Variants in TTC21B observed in about 807,000 individuals in gnomAD.
The protein encoded by TTC21B is tetratricopeptide repeat protein 21B.
TTC21B carries 127 observed loss-of-function variants against 175.1 expected under a neutral mutation model. That is an observed-to-expected ratio of 0.73 (90% CI 0.63 to 0.84). The LOEUF (loss-of-function observed/expected upper bound fraction) is 0.84. Among genes scored for constraint, TTC21B ranks in the 40% least tolerant of loss-of-function variants. The pLI is 0.00. For synonymous variants in TTC21B, 524 were observed against 524.5 expected, an observed-to-expected ratio of 1.00 and a Z score of 0.01; for missense variants, 1,561 against 1,558.3, an observed-to-expected ratio of 1.00 and a Z score of -0.03.
intron 3 of TTC21B, among the ~76,000 whole-genome samples, 195 bp from the exon 4 acceptor site, chr2:165,945,885 T>C (rs763248309): frequency 2.0e-5 from 3 of 152,188 alleles, no homozygotes; most frequent in Non-Finnish European, 4.4e-5. Flanking sequence ...ACAATTAAAA[T>C]TAATCTTAAT....
Position 165,912,601 on chromosome 2 carries a change from A to T in TTC21B, c.2235T>A (p.Tyr745Ter). The T allele has an allele frequency of 6.2e-7, 1 of 1,614,096 alleles. No individual in the cohort carries two copies. Reference sequence around the variant, plus strand: ...TCGGGTTCTGATTTAATGCTTGCTCATATGCTACTATGGCTTCTTCAGGCT... The same window carrying T: ...TCGGGTTCTGATTTAATGCTTGCTCTTATGCTACTATGGCTTCTTCAGGCT... ...ILEPEEAIVA[Y>*]EQALNQNPKD... Residue 745 changes from tyrosine to a stop codon, truncating the protein, a stop_gained, in exon 17 of 29, where the codon TAT (tyrosine) becomes TAA (stop). Coordinates refer to ENST00000243344, the MANE Select transcript of TTC21B (RefSeq NM_024753.5). LOFTEE classifies it high-confidence loss of function.
At chr2:165,889,016 TCAC>T (rs145846719) in intron 24 of TTC21B, among the ~76,000 whole-genome samples, 2,827 of 152,294 alleles carry the variant, frequency 0.019, 101 homozygotes, top group African/African-American at 0.065. Flanking sequence ...TCTGTTCTCT[TCAC>T]CACATTGCCT....
chr2:165,886,258 C>T (rs1226140582), intron 25 of TTC21B, among the ~76,000 whole-genome samples: 1 of 152,100 alleles, frequency 6.6e-6, no homozygotes, highest in Non-Finnish European at 1.5e-5. Flanking sequence ...AAAGGGTCTC[C>T]CAACTCTCCT....
chr2:165,888,117 C>G (rs1042899743), intron 25 of TTC21B, among the ~76,000 whole-genome samples, 162 bp downstream of exon 25: 2 of 152,124 alleles, frequency 1.3e-5, no homozygotes, highest in African/African-American at 2.4e-5. Context: ...TCGTCTCTTC[C>G]GCCAAGAAGG....
intron 24 of TTC21B, among the ~76,000 whole-genome samples, chr2:165,889,608 A>T (rs1056219180): frequency 3.9e-5 from 6 of 151,918 alleles, no homozygotes; most frequent in Non-Finnish European, 7.4e-5. Context: ...ACAACCATAA[A>T]CATGCCACTT....
intron 16 of TTC21B, 92 bp from the exon 17 acceptor site, chr2:165,912,716 T>C (rs899424544): frequency 1.1e-6 from 1 of 932,656 alleles, no homozygotes; most frequent in Non-Finnish European, 1.8e-6. Flanking sequence ...TCTCTACATT[T>C]GTAATATTAC....
intron 24 of TTC21B, among the ~76,000 whole-genome samples, chr2:165,889,216 AG>A (rs1270959811): frequency 6.6e-6 from 1 of 152,216 alleles, no homozygotes; most frequent in Non-Finnish European, 1.5e-5. Context: ...CTCAGGCCTT[AG>A]GCTTATCTTG....
chr2:165,896,883 TTTTG>T (rs530664099), intron 22 of TTC21B, among the ~76,000 whole-genome samples: 34 of 152,254 alleles, frequency 2.2e-4, no homozygotes, highest in Admixed American at 5.2e-4. Flanking sequence ...CTAAGGGTTT[TTTTG>T]TTTGTTTGTT....
chr2:165,913,582 T>G lies in TTC21B; in HGVS notation c.2203A>C (p.Ile735Leu). 6.2e-7 allele frequency: 1 copy of G among 1,611,266 alleles called. No homozygotes were observed. Among genetic ancestry groups the G allele is most frequent in the Non-Finnish European group, 8.5e-7 (1 of 1,177,788 alleles). The change falls in exon 16 of 29, where the codon ATT becomes CTT. Residue 735 changes from isoleucine to leucine, a missense_variant. Coordinates refer to ENST00000243344, the MANE Select transcript of TTC21B (RefSeq NM_024753.5). The part of the protein sequence containing the change: ...FLLLGDAYMN[I>L]LEPEEAIVAY... ...AACATCAGAAATTTTACCTCTAGAA[T>G]ATTCATGTATGCATCACCAAGGAGA... is the stretch of plus-strand genomic sequence containing the variant.
intron 11 of TTC21B, among the ~76,000 whole-genome samples, chr2:165,926,889 TC>T: frequency 1.3e-5 from 2 of 150,378 alleles, no homozygotes; most frequent in East Asian, 3.9e-4. Flanking sequence ...GCTTCTTTGC[TC>T]CTCGGCTTAC....
intron 22 of TTC21B, among the ~76,000 whole-genome samples, chr2:165,891,456 T>C (rs748454690): frequency 5.3e-5 from 8 of 152,272 alleles, no homozygotes; most frequent in Non-Finnish European, 1.0e-4. Flanking sequence ...AAGAAATTTT[T>C]CTCCAGTCTC....
chr2:165,875,605 G>C (rs1559033485), intron 28 of TTC21B, among the ~76,000 whole-genome samples: 1 of 151,706 alleles, frequency 6.6e-6, no homozygotes, highest in Non-Finnish European at 1.5e-5. Flanking sequence ...ATTTACTAGG[G>C]GATGAATTAC....
At position 165,878,056 on chromosome 2, in the gene TTC21B, G is replaced by A. The variant is rs77089347; in HGVS notation, c.3806-1824C>T. Among the ~76,000 whole-genome samples the A allele has an allele frequency of 9.1e-3, 1,388 of 152,130 alleles. 29 individuals carry two copies. Among genetic ancestry groups the A allele is most frequent in the African/African-American group, 0.032 (1,307 of 41,482 alleles). Reference sequence around the variant, plus strand: ...GCTGTCATTTTCAGGTTTCCTCATCGCTAAAACAGGAATAACAACTCCTCC... The same window carrying A: ...GCTGTCATTTTCAGGTTTCCTCATCACTAAAACAGGAATAACAACTCCTCC... On this transcript the variant is annotated intron_variant, in intron 27 of 28. Coordinates refer to ENST00000243344, the MANE Select transcript of TTC21B (RefSeq NM_024753.5).
intron 19 of TTC21B, among the ~76,000 whole-genome samples, chr2:165,906,018 G>C (rs1685717221): frequency 6.6e-6 from 1 of 152,008 alleles, no homozygotes; most frequent in African/African-American, 2.4e-5. Context: ...CTAGAAGTCA[G>C]TATCAAAAAG....
Position 165,914,657 on chromosome 2 carries a change from CTGTGTGTG to C in TTC21B, c.2138+536_2138+543del, listed in dbSNP as rs551411661. On this transcript the variant is annotated intron_variant, in intron 15 of 28. Coordinates refer to ENST00000243344, the MANE Select transcript of TTC21B (RefSeq NM_024753.5). ...GTTTGGGGAGAAGAGGAAGAGCAATCTGTGTGTGTGTGTGTGTGTGTGTGTGTGTGTGT... is the reference window on the plus strand; with the variant it reads ...GTTTGGGGAGAAGAGGAAGAGCAATCTGTGTGTGTGTGTGTGTGTGTGTGT... 3.7e-4 allele frequency among the ~76,000 whole-genome samples: 44 copies of C among 118,174 alleles called. 1 individual carries two copies. In the East Asian group the frequency reaches 8.4e-3, roughly 23 times the overall value. 77.5% of individuals were successfully genotyped at this position (118,174 alleles called of 152,430 possible). A position where few individuals can be genotyped will look rare whatever the true frequency, so the allele number is the denominator to read the frequency against.
At chr2:165,935,921 AT>A (rs1687121061) in intron 6 of TTC21B, among the ~76,000 whole-genome samples, 1 of 151,938 alleles carries the variant, frequency 6.6e-6, no homozygotes, top group South Asian at 2.1e-4. Context: ...TGCAATCCCA[AT>A]CAAAATCCCA....
chr2:165,913,740 T>G, intron 15 of TTC21B, 94 bp from the exon 16 acceptor site: 1 of 1,041,380 alleles, frequency 9.6e-7, no homozygotes, highest in Non-Finnish European at 1.5e-6. Context: ...TTATTTTAGT[T>G]AGCCAGTAGC....
Position 165,930,299 on chromosome 2 carries a change from G to C in TTC21B, c.960C>G (p.Asn320Lys), listed in dbSNP as rs148866170. 79 of 1,612,914 alleles carry C rather than the reference G, an allele frequency of 4.9e-5. No homozygotes were observed. In the African/African-American group the frequency reaches 1.0e-3, roughly 21 times the overall value. Residue 320 changes from asparagine to lysine, a missense_variant, in exon 9 of 29, where the codon AAC becomes AAG. Coordinates refer to ENST00000243344, the MANE Select transcript of TTC21B (RefSeq NM_024753.5). ...QTLLERAFSL[N>K]PQQSEFATEL... ...CTGTAGCAAATTCTGATTGCTGAGG[G>C]TTTAAACTAAAAGCTCTCTCAAGTA... is the stretch of plus-strand genomic sequence containing the variant.
chr2:165,948,380 T>G (rs1687653469), intron 3 of TTC21B: 1 of 152,268 alleles, frequency 6.6e-6, no homozygotes, highest in South Asian at 2.1e-4. Flanking sequence ...AGAATTCTTT[T>G]GTAGCTTGTA....
Sources: allele counts gnomAD v4.1 joint callset (sites outside exome capture counted in the v4.1 genomes callset), GRCh38; gene constraint gnomAD v4.1.1; transcripts MANE v1.5; gene names NCBI Gene and HGNC (gene_info 2026-07-23, HGNC 2026-07-21).